DPP10: variants seen among roughly 807,000 people sequenced by gnomAD.
The protein encoded by DPP10 is inactive dipeptidyl peptidase 10.
In DPP10, 33 loss-of-function variants were observed where a neutral mutation model predicts 120.9. That is an observed-to-expected ratio of 0.27 (90% confidence interval 0.21 to 0.37). DPP10 has a LOEUF of 0.37. DPP10 is among the 10% of genes least tolerant of loss of function. The pLI is 1.00. For synonymous variants in DPP10, 337 were observed against 326.1 expected (o/e 1.03, Z -0.36); for missense variants, 816 against 942.8 (o/e 0.87, Z 1.76).
At chr2:115,508,537 CT>C (rs1425220448) in intron 4 of DPP10, among the ~76,000 whole-genome samples, 2 of 152,128 alleles carry the variant, frequency 1.3e-5, no homozygotes, top group Non-Finnish European at 2.9e-5. Context: ...ACTTTTATTG[CT>C]TAATATCCAT....
At chr2:114,673,355 G>A (rs903194699) in intron 1 of DPP10, among the ~76,000 whole-genome samples, 2 of 152,094 alleles carry the variant, frequency 1.3e-5, no homozygotes, top group Admixed American at 6.6e-5. Context: ...AAAGAACCCC[G>A]AAGCCATGTA....
chr2:115,329,003 T>C (rs1172984434), intron 2 of DPP10, among the ~76,000 whole-genome samples: 2 of 152,104 alleles, frequency 1.3e-5, no homozygotes, highest in African/African-American at 2.4e-5. Flanking sequence ...TATTACAGTA[T>C]GCTGGGCACT....
chr2:115,081,780 A>G (rs1708294319), intron 1 of DPP10, among the ~76,000 whole-genome samples: 1 of 152,244 alleles, frequency 6.6e-6, no homozygotes, highest in Admixed American at 6.5e-5. Flanking sequence ...CGTGGTACAG[A>G]AAATACATGA....
At chr2:114,625,489 A>G (rs994814610) in intron 1 of DPP10, among the ~76,000 whole-genome samples, 8 of 152,000 alleles carry the variant, frequency 5.3e-5, no homozygotes, top group African/African-American at 1.9e-4. Context: ...TTTTAATTCT[A>G]TCATTTCTTC....
At chr2:115,807,829 G>T (rs6716979) in intron 19 of DPP10, among the ~76,000 whole-genome samples, 144,931 of 150,718 alleles carry the variant, frequency 0.96, 69,901 homozygotes, top group East Asian at 1. Context: ...ATATGTTTGG[G>T]TTTTTTTTAA....
intron 9 of DPP10, among the ~76,000 whole-genome samples, chr2:115,742,521 C>T (rs1269871545): frequency 6.6e-6 from 1 of 152,122 alleles, no homozygotes; most frequent in Admixed American, 6.6e-5. Flanking sequence ...TTCCAGTCCT[C>T]AGGTGATTTT....
chr2:115,702,314 A>G (rs2091924997), intron 7 of DPP10, among the ~76,000 whole-genome samples: 1 of 152,046 alleles, frequency 6.6e-6, no homozygotes, highest in Non-Finnish European at 1.5e-5. Context: ...AATTAAACAG[A>G]AAGTTATCAT....
At chr2:115,805,516 C>T (rs574473224) in intron 19 of DPP10, among the ~76,000 whole-genome samples, 7 of 151,612 alleles carry the variant, frequency 4.6e-5, no homozygotes, top group South Asian at 4.2e-4. Flanking sequence ...CCGTCTTCTG[C>T]GTGGCTCAGG....
intron 5 of DPP10, among the ~76,000 whole-genome samples, chr2:115,646,019 C>T (rs1273036856): frequency 6.6e-6 from 1 of 152,040 alleles, no homozygotes; most frequent in Non-Finnish European, 1.5e-5. Context: ...CTGACATAAT[C>T]CTGACTGATA....
chr2:115,406,488 T>C (rs2068518380), intron 3 of DPP10, among the ~76,000 whole-genome samples: 1 of 152,190 alleles, frequency 6.6e-6, no homozygotes, highest in South Asian at 2.1e-4. Context: ...GTGATGGATA[T>C]GGTAACTAAC....
chr2:115,289,273 G>A (rs996568821), intron 1 of DPP10, among the ~76,000 whole-genome samples: 1 of 151,950 alleles, frequency 6.6e-6, no homozygotes, highest in African/African-American at 2.4e-5. Flanking sequence ...ACAAAACGCT[G>A]ATGAAAGCTG....
chr2:115,295,109 G>T (rs978756135), intron 1 of DPP10, among the ~76,000 whole-genome samples: 11 of 152,086 alleles, frequency 7.2e-5, no homozygotes, highest in Non-Finnish European at 1.5e-4. Context: ...TTAACTAACG[G>T]TACTGACAGG....
intron 5 of DPP10, among the ~76,000 whole-genome samples, chr2:115,576,978 C>G (rs752076741): frequency 2.6e-5 from 4 of 152,160 alleles, no homozygotes; most frequent in African/African-American, 7.2e-5. Context: ...AAAATGAATG[C>G]CACTGAAAGG....
At chr2:114,538,057 T>TA (rs760652553) in intron 1 of DPP10, among the ~76,000 whole-genome samples, 47 of 152,236 alleles carry the variant, frequency 3.1e-4, no homozygotes, top group Non-Finnish European at 2.2e-4. Context: ...TTGGTGTTTT[T>TA]ATTTTCCCTG....
chr2:115,697,005 T>C (rs1297765526), intron 7 of DPP10, among the ~76,000 whole-genome samples: 5 of 152,116 alleles, frequency 3.3e-5, no homozygotes, highest in African/African-American at 1.2e-4. Flanking sequence ...TAAGCTTGTA[T>C]AAATTCAAAT....
chr2:115,075,840 A>G (rs1485333898), intron 1 of DPP10, among the ~76,000 whole-genome samples: 1 of 152,098 alleles, frequency 6.6e-6, no homozygotes, highest in Non-Finnish European at 1.5e-5. Flanking sequence ...CAGTGAGTCC[A>G]TTTAAAACTC....
At chr2:114,614,814 C>T (rs1693557354) in intron 1 of DPP10, among the ~76,000 whole-genome samples, 1 of 152,112 alleles carries the variant, frequency 6.6e-6, no homozygotes. Flanking sequence ...TATGAGTAGT[C>T]TATGAAATTC....
chr2:114,924,602 C>A (rs1414471906), intron 1 of DPP10, among the ~76,000 whole-genome samples: 1 of 150,296 alleles, frequency 6.7e-6, no homozygotes, highest in Non-Finnish European at 1.5e-5. Context: ...TCTTAGCAAG[C>A]AAAGAATACA....
chr2:114,689,008 A>G (rs1699555072), intron 1 of DPP10, among the ~76,000 whole-genome samples: 1 of 151,446 alleles, frequency 6.6e-6, no homozygotes, highest in Non-Finnish European at 1.5e-5. Context: ...ATACTCATTC[A>G]TGTATTTATT....
Sources: gnomAD v4.1 joint callset for allele counts (sites outside exome capture counted in the v4.1 genomes callset) on GRCh38, gnomAD v4.1.1 for gene constraint, MANE v1.5 for transcripts, NCBI Gene and HGNC (gene_info 2026-07-23, HGNC 2026-07-21) for gene names.